The following TRDN variants were observed in gnomAD, a reference collection of about 807,000 sequenced individuals.
TRDN encodes the protein triadin in skeletal muscle.
In TRDN, 161 loss-of-function variants were observed where a neutral mutation model predicts 149.7. The ratio of observed to expected loss-of-function variants is 1.08; its 90% CI spans 0.95 to 1.23. The LOEUF is 1.23. Ranked by LOEUF, TRDN falls within the 50% of genes most tolerant of loss-of-function variation. The pLI is 0.00. For synonymous variants in TRDN, 294 were observed against 250.5 expected (o/e 1.17, Z -1.64); for missense variants, 896 against 823.5 (o/e 1.09, Z -1.08).
intron 12 of TRDN, among the ~76,000 whole-genome samples, chr6:123,397,925 T>C (rs1772800267): frequency 1.3e-5 from 2 of 152,368 alleles, no homozygotes; most frequent in Admixed American, 1.3e-4. Flanking sequence ...ATTTTATTAA[T>C]CTTCCAAAGA....
intron 24 of TRDN, among the ~76,000 whole-genome samples, chr6:123,304,227 A>G (rs986351020): frequency 2.7e-5 from 4 of 150,810 alleles, no homozygotes; most frequent in Non-Finnish European, 4.4e-5. Context: ...AATTTTGTAT[A>G]TGAATATTAA....
At chr6:123,274,772 A>T (rs985490267) in intron 26 of TRDN, 102 bp from the exon 27 acceptor site, 1 of 1,156,852 alleles carries the variant, frequency 8.6e-7, no homozygotes, top group Non-Finnish European at 1.2e-6. Context: ...AATTGGGAGG[A>T]TGAGGCAGGA....
intron 1 of TRDN, among the ~76,000 whole-genome samples, chr6:123,606,218 C>A (rs931189157): frequency 3.3e-5 from 5 of 151,188 alleles, no homozygotes; most frequent in Non-Finnish European, 7.4e-5. Context: ...TTATTTCTAA[C>A]ATAATCAAGT....
intron 38 of TRDN, among the ~76,000 whole-genome samples, chr6:123,241,867 A>G (rs1050644416): frequency 7.2e-6 from 1 of 139,554 alleles, no homozygotes; most frequent in African/African-American, 3.2e-5. Context: ...CCTATTCAAG[A>G]AAAAAAAAAT....
At chr6:123,423,048 A>AGCTG (rs1242954774) in intron 12 of TRDN, among the ~76,000 whole-genome samples, 1 of 152,182 alleles carries the variant, frequency 6.6e-6, no homozygotes, top group East Asian at 1.9e-4. Context: ...CGTTATGGGT[A>AGCTG]GCTGTGTCTA....
intron 21 of TRDN, among the ~76,000 whole-genome samples, chr6:123,340,712 A>G (rs1057104030): frequency 2.0e-5 from 3 of 151,994 alleles, no homozygotes; most frequent in Non-Finnish European, 4.4e-5. Context: ...TAATACCAAC[A>G]TACCAAACTT....
At chr6:123,429,711 G>A (rs911651831) in intron 12 of TRDN, among the ~76,000 whole-genome samples, 14 of 152,102 alleles carry the variant, frequency 9.2e-5, no homozygotes, top group African/African-American at 3.4e-4. Flanking sequence ...ATGCCACTCT[G>A]TGTCATTTTC....
At chr6:123,245,400 T>C (rs999033194) in intron 38 of TRDN, among the ~76,000 whole-genome samples, 6 of 151,606 alleles carry the variant, frequency 4.0e-5, no homozygotes, top group Non-Finnish European at 8.8e-5. Flanking sequence ...TGGAGGAAGA[T>C]TTACCAAGCA....
intron 1 of TRDN, among the ~76,000 whole-genome samples, chr6:123,575,669 C>CT (rs1204100642): frequency 1.3e-5 from 2 of 151,994 alleles, no homozygotes; most frequent in African/African-American, 4.8e-5. Context: ...AAGTAGGGAT[C>CT]TCACTTAATG....
At chr6:123,481,114 T>C (rs1479029612) in intron 9 of TRDN, among the ~76,000 whole-genome samples, 1 of 152,104 alleles carries the variant, frequency 6.6e-6, no homozygotes, top group Non-Finnish European at 1.5e-5. Flanking sequence ...GGCCTTACAG[T>C]CAGCTTAATG....
At chr6:123,629,313 T>A (rs1785845585) in intron 1 of TRDN, among the ~76,000 whole-genome samples, 1 of 152,164 alleles carries the variant, frequency 6.6e-6, no homozygotes, top group South Asian at 2.1e-4. Flanking sequence ...ACGAGCTCAC[T>A]AATGCCCTAG....
At chr6:123,359,357 CTA>C (rs1393778548) in intron 20 of TRDN, among the ~76,000 whole-genome samples, 3 of 152,096 alleles carry the variant, frequency 2.0e-5, no homozygotes, top group Admixed American at 1.3e-4. Flanking sequence ...TTGGGGCACT[CTA>C]TATGCCATTT....
At chr6:123,323,157 A>T (rs1427991542) in intron 23 of TRDN, among the ~76,000 whole-genome samples, 1 of 152,186 alleles carries the variant, frequency 6.6e-6, no homozygotes, top group Non-Finnish European at 1.5e-5. Flanking sequence ...ATGAAGCAGA[A>T]TCCCTGTCTC....
intron 12 of TRDN, chr6:123,418,401 T>A (rs570877369): frequency 1.3e-5 from 2 of 152,288 alleles, no homozygotes; most frequent in East Asian, 3.9e-4. Flanking sequence ...AAACTTTTTT[T>A]AATGTTTTGA....
intron 1 of TRDN, among the ~76,000 whole-genome samples, chr6:123,583,765 T>C (rs1049918124): frequency 9.2e-5 from 14 of 152,050 alleles, no homozygotes; most frequent in Non-Finnish European, 1.6e-4. Flanking sequence ...GACTAACAGG[T>C]ATTTTAGTTA....
chr6:123,377,411 G>T (rs1416147228), intron 18 of TRDN, among the ~76,000 whole-genome samples: 5 of 152,304 alleles, frequency 3.3e-5, no homozygotes, highest in African/African-American at 9.6e-5. Context: ...GTCTTGTGAA[G>T]TTGCAGACTC....
intron 1 of TRDN, among the ~76,000 whole-genome samples, chr6:123,579,357 T>C (rs549212004): frequency 6.6e-6 from 1 of 152,316 alleles, no homozygotes; most frequent in African/African-American, 2.4e-5. Flanking sequence ...TAAAGGAATG[T>C]TGAATTTTAT....
intron 38 of TRDN, among the ~76,000 whole-genome samples, chr6:123,236,804 A>G (rs1275500184): frequency 4.6e-5 from 7 of 152,120 alleles, no homozygotes; most frequent in African/African-American, 1.7e-4. Flanking sequence ...ATGTGGCTAT[A>G]TCTTTGCAAA....
chr6:123,377,979 A>G (rs560486148), intron 16 of TRDN, 81 bp from the exon 17 acceptor site: 1 of 1,051,064 alleles, frequency 9.5e-7, no homozygotes, highest in East Asian at 2.6e-5. Flanking sequence ...TTTTAACACA[A>G]AGAAACATGC....
Sources: allele counts gnomAD v4.1 joint callset (sites outside exome capture counted in the v4.1 genomes callset), GRCh38; gene constraint gnomAD v4.1.1; transcripts MANE v1.5; gene names NCBI Gene and HGNC (gene_info 2026-07-23, HGNC 2026-07-21).